The following CNTNAP5 variants were observed in gnomAD, a reference collection of about 807,000 sequenced individuals.
CNTNAP5 encodes contactin-associated protein-like 5.
A neutral mutation model predicts 150.2 loss-of-function variants in CNTNAP5; 72 were observed. That is an observed-to-expected ratio of 0.48 (90% CI 0.40 to 0.58). CNTNAP5 has a LOEUF of 0.58. Ranked by LOEUF, CNTNAP5 falls within the 20% of genes least tolerant of loss-of-function variation. CNTNAP5 has a pLI of 0.00. For missense variants in CNTNAP5, 1,636 were observed against 1,626.2 expected, an observed-to-expected ratio of 1.01 and a Z score of -0.10; for synonymous variants, 672 against 619.8, an observed-to-expected ratio of 1.08 and a Z score of -1.25.
chr2:124,758,826 A>G (rs1241937450), intron 14 of CNTNAP5, among the ~76,000 whole-genome samples: 1 of 152,128 alleles, frequency 6.6e-6, no homozygotes, highest in African/African-American at 2.4e-5. Context: ...TCAGAAGATG[A>G]GATTCAGGAT....
intron 3 of CNTNAP5, among the ~76,000 whole-genome samples, chr2:124,262,529 GT>G (rs1687485174): frequency 6.6e-6 from 1 of 151,936 alleles, no homozygotes; most frequent in African/African-American, 2.4e-5. Flanking sequence ...TTTATCCCCG[GT>G]TCACCTTTTA....
chr2:124,485,612 C>CAAAAAAAAAAAA (rs576700912), intron 7 of CNTNAP5, among the ~76,000 whole-genome samples: 5 of 52,380 alleles, frequency 9.5e-5, no homozygotes, highest in East Asian at 6.3e-4. Flanking sequence ...GACTCTGTCT[C>CAAAAAAAAAAAA]AAAAAAAAAA....
chr2:124,888,760 T>C (rs1222663377), intron 21 of CNTNAP5, among the ~76,000 whole-genome samples: 3 of 152,152 alleles, frequency 2.0e-5, no homozygotes, highest in South Asian at 2.1e-4. Flanking sequence ...AAATGTCTGA[T>C]CATGTCCTTT....
intron 13 of CNTNAP5, among the ~76,000 whole-genome samples, chr2:124,658,959 A>G (rs6710630): frequency 0.25 from 37,851 of 152,046 alleles, 4,964 homozygotes; most frequent in African/African-American, 0.33. Context: ...AGAAGGCTCC[A>G]GAGTTCTGGT....
At chr2:124,491,457 A>AGAGT (rs1694024640) in intron 7 of CNTNAP5, among the ~76,000 whole-genome samples, 1 of 151,354 alleles carries the variant, frequency 6.6e-6, no homozygotes, top group Admixed American at 6.6e-5. Context: ...ACATATGGAG[A>AGAGT]GAGAGAGAGA....
intron 13 of CNTNAP5, among the ~76,000 whole-genome samples, chr2:124,742,332 C>T (rs1233276203): frequency 6.6e-6 from 1 of 152,138 alleles, no homozygotes; most frequent in African/African-American, 2.4e-5. Flanking sequence ...CTCAGAAAGA[C>T]ACTGAACATT....
intron 3 of CNTNAP5, among the ~76,000 whole-genome samples, chr2:124,385,673 A>G (rs1690908906): frequency 6.6e-6 from 1 of 152,224 alleles, no homozygotes; most frequent in Non-Finnish European, 1.5e-5. Context: ...TGGCAGAATC[A>G]GTATATAATT....
chr2:124,700,983 T>TA (rs897330230), intron 13 of CNTNAP5, among the ~76,000 whole-genome samples: 5 of 152,092 alleles, frequency 3.3e-5, no homozygotes, highest in African/African-American at 1.2e-4. Context: ...CTCACATAGT[T>TA]ACGCATTTTT....
intron 16 of CNTNAP5, among the ~76,000 whole-genome samples, chr2:124,768,307 G>GTATGTATA (rs1553440080): frequency 1.5e-4 from 21 of 144,734 alleles, no homozygotes; most frequent in African/African-American, 5.1e-4. Context: ...GTGTGTGTGT[G>GTATGTATA]TGTATATGTA....
chr2:124,647,993 G>C (rs1678243224), intron 13 of CNTNAP5, 35 bp downstream of exon 13: 1 of 1,550,498 alleles, frequency 6.4e-7, no homozygotes, highest in East Asian at 2.4e-5. Flanking sequence ...CAGTGGGATA[G>C]ATGGGACCCT....
chr2:124,197,757 G>A (rs1389776388), intron 1 of CNTNAP5, among the ~76,000 whole-genome samples: 2 of 151,994 alleles, frequency 1.3e-5, no homozygotes, highest in Non-Finnish European at 2.9e-5. Flanking sequence ...TGAGGCGGGC[G>A]GATCACAAGG....
chr2:124,895,519 G>C (rs1678285757), intron 21 of CNTNAP5, among the ~76,000 whole-genome samples: 1 of 151,542 alleles, frequency 6.6e-6, no homozygotes, highest in African/African-American at 2.4e-5. Context: ...CCTGACACTG[G>C]GTTGGCTGAG....
chr2:124,089,114 C>T (rs1202153898), intron 1 of CNTNAP5, among the ~76,000 whole-genome samples: 1 of 152,106 alleles, frequency 6.6e-6, no homozygotes, highest in Non-Finnish European at 1.5e-5. Flanking sequence ...CCACTGTGTC[C>T]TTTCTGAAAT....
intron 22 of CNTNAP5, among the ~76,000 whole-genome samples, chr2:124,911,241 T>A (rs1678648665): frequency 6.6e-6 from 1 of 151,942 alleles, no homozygotes; most frequent in Non-Finnish European, 1.5e-5. Context: ...ATCTTACAAT[T>A]TGCACATAAA....
At chr2:124,145,836 A>AAAAAAAAAAAAAAAAAAAAAAAAG (rs1684235848) in intron 1 of CNTNAP5, among the ~76,000 whole-genome samples, 2 of 75,804 alleles carry the variant, frequency 2.6e-5, no homozygotes, top group Non-Finnish European at 2.5e-5. Flanking sequence ...AAAGAAGAAA[A>AAAAAAAAAAAAAAAAAAAAAAAAG]AAAAAAAAAA....
chr2:124,578,686 T>A (rs915570144), intron 11 of CNTNAP5, among the ~76,000 whole-genome samples: 1 of 152,054 alleles, frequency 6.6e-6, no homozygotes, highest in Non-Finnish European at 1.5e-5. Context: ...GGTGGGAGGA[T>A]CATTTGAGCC....
intron 3 of CNTNAP5, among the ~76,000 whole-genome samples, chr2:124,300,193 TC>T (rs1383078272): frequency 6.6e-6 from 1 of 152,214 alleles, no homozygotes; most frequent in Non-Finnish European, 1.5e-5. Flanking sequence ...TCTATGAGTA[TC>T]CACCTGTCTT....
rs558016380 is a variant in CNTNAP5, at chr2:124,834,125, T to C, written c.3218-31181T>C. On this transcript the variant is annotated intron_variant, in intron 19 of 23. Coordinates refer to ENST00000682447, the MANE Select transcript of CNTNAP5 (RefSeq NM_001367498.1). ...TTACTATTAGTATTATTCCACATCATGAAATTGAGGAAGAGCAGTTTTAAA... is the reference window on the plus strand; with the variant it reads ...TTACTATTAGTATTATTCCACATCACGAAATTGAGGAAGAGCAGTTTTAAA... 2.0e-5 allele frequency among the ~76,000 whole-genome samples: 3 copies of C among 152,284 alleles called. No individual in the cohort carries two copies. The South Asian group carries it at 6.2e-4, about 32-fold the overall frequency.
rs988774398 is a variant in CNTNAP5, at chr2:124,093,946, C to T, written c.82+68214C>T. The stretch of plus-strand genomic sequence containing the variant: ...GAAAACAACAAATAATGAGGCACAA[C>T]GTATTCTGATGGAGGAGAAATTTGC... On this transcript the variant is annotated intron_variant, in intron 1 of 23. Coordinates refer to ENST00000682447, the MANE Select transcript of CNTNAP5 (RefSeq NM_001367498.1). 4.6e-5 allele frequency among the ~76,000 whole-genome samples: 7 copies of T among 152,280 alleles called. No homozygotes were observed. The East Asian group carries it at 1.4e-3, about 29-fold the overall frequency.
Sources: gnomAD v4.1 joint callset for allele counts (sites outside exome capture counted in the v4.1 genomes callset) on GRCh38, gnomAD v4.1.1 for gene constraint, MANE v1.5 for transcripts, NCBI Gene and HGNC (gene_info 2026-07-23, HGNC 2026-07-21) for gene names.